The following RAPGEF5 variants were observed in gnomAD, a reference collection of about 807,000 sequenced individuals.
The protein encoded by RAPGEF5 is Rap guanine nucleotide exchange factor 5.
A neutral mutation model predicts 125.2 loss-of-function variants in RAPGEF5; 65 were observed. The ratio of observed to expected loss-of-function variants is 0.52; its 90% CI spans 0.43 to 0.64. The LOEUF (loss-of-function observed/expected upper bound fraction) is 0.64, where lower values mean the gene tolerates loss of function less well. RAPGEF5 is among the 30% of genes least tolerant of loss of function. The pLI is 0.00. For missense variants in RAPGEF5, 958 were observed against 1,048.1 expected (o/e 0.91, Z 1.19); for synonymous variants, 391 against 385.9 (o/e 1.01, Z -0.16).
At chr7:22,231,720 G>C (rs1241253512) in intron 7 of RAPGEF5, among the ~76,000 whole-genome samples, 1 of 152,134 alleles carries the variant, frequency 6.6e-6, no homozygotes, top group East Asian at 1.9e-4. Context: ...CATAATGACT[G>C]GATTACTTTT....
chr7:22,287,915 G>C (rs1040784617), intron 6 of RAPGEF5, among the ~76,000 whole-genome samples: 1 of 152,152 alleles, frequency 6.6e-6, no homozygotes, highest in Non-Finnish European at 1.5e-5. Context: ...TAAGAATCAA[G>C]GCCCTTAATC....
At chr7:22,277,954 G>A (rs1307781010) in intron 6 of RAPGEF5, among the ~76,000 whole-genome samples, 1 of 152,042 alleles carries the variant, frequency 6.6e-6, no homozygotes, top group African/African-American at 2.4e-5. Flanking sequence ...TACCAAGTGG[G>A]GTATTCATGT....
rs566230052 is a variant in RAPGEF5 at position 22,277,998 on chromosome 7, C to T, written c.748-10986G>A. Among the ~76,000 whole-genome samples the T allele has an allele frequency of 7.9e-5, 12 of 152,244 alleles. No individual in the cohort carries two copies. In the South Asian group the frequency reaches 8.3e-4, roughly 11 times the overall value. The stretch of plus-strand genomic sequence containing the variant: ...CCATTTTACCCGTTACAGAATGACA[C>T]GGATCCTGAAAAACAATCCCTCAAC... On this transcript the variant is annotated intron_variant, in intron 6 of 25. Coordinates refer to ENST00000665637, the MANE Select transcript of RAPGEF5 (RefSeq NM_012294.5).
intron 1 of RAPGEF5, among the ~76,000 whole-genome samples, chr7:22,354,175 T>C (rs1784380166): frequency 6.6e-6 from 1 of 152,192 alleles, no homozygotes; most frequent in Admixed American, 6.5e-5. Flanking sequence ...TGATGTCAGA[T>C]TGTCCAGGTT....
intron 1 of RAPGEF5, among the ~76,000 whole-genome samples, chr7:22,337,481 C>A (rs1420110816): frequency 1.3e-5 from 2 of 152,158 alleles, no homozygotes; most frequent in African/African-American, 4.8e-5. Context: ...TTAACTATAC[C>A]TACATCTTAG....
intron 5 of RAPGEF5, among the ~76,000 whole-genome samples, chr7:22,294,512 C>T (rs1445255564): frequency 1.3e-5 from 2 of 152,194 alleles, no homozygotes; most frequent in Non-Finnish European, 2.9e-5. Flanking sequence ...CCACCCTCAT[C>T]CCTCTAACCA....
chr7:22,178,427 CAGATGCCAATCACA>C (rs937987640), intron 11 of RAPGEF5, among the ~76,000 whole-genome samples: 1 of 152,222 alleles, frequency 6.6e-6, no homozygotes, highest in Non-Finnish European at 1.5e-5. Flanking sequence ...CATCCCACTT[CAGATGCCAATCACA>C]AGTCTCAGGT....
chr7:22,187,716 G>T (rs567109889), intron 11 of RAPGEF5, among the ~76,000 whole-genome samples: 8 of 152,180 alleles, frequency 5.3e-5, no homozygotes, highest in Non-Finnish European at 8.8e-5. Context: ...TCCAGGACAG[G>T]GGCCAGCGGA....
intron 1 of RAPGEF5, among the ~76,000 whole-genome samples, chr7:22,355,303 C>T (rs535181869): frequency 2.6e-5 from 4 of 152,282 alleles, no homozygotes; most frequent in African/African-American, 7.2e-5. Flanking sequence ...TGAGTATGAA[C>T]GCAAATAAAT....
intron 25 of RAPGEF5, among the ~76,000 whole-genome samples, chr7:22,124,434 T>C (rs1286645716): frequency 6.6e-6 from 1 of 152,232 alleles, no homozygotes; most frequent in Non-Finnish European, 1.5e-5. Flanking sequence ...CTAATTGATG[T>C]GAATATTTAG....
At chr7:22,224,455 C>T (rs1358539421) in intron 8 of RAPGEF5, among the ~76,000 whole-genome samples, 12 of 152,190 alleles carry the variant, frequency 7.9e-5, no homozygotes, top group Admixed American at 7.9e-4. Context: ...GATTTCTTCT[C>T]TCTCTTTCCA....
chr7:22,153,067 C>T (rs1378208692), intron 17 of RAPGEF5, among the ~76,000 whole-genome samples: 3 of 152,158 alleles, frequency 2.0e-5, no homozygotes, highest in Non-Finnish European at 4.4e-5. Flanking sequence ...TAATTGCCAG[C>T]TTCTCACGAG....
chr7:22,132,463 T>C lies in RAPGEF5; in HGVS notation c.2417-1362A>G, dbSNP rs373930678. On this transcript the variant is annotated intron_variant, in intron 23 of 25. Coordinates refer to ENST00000665637, the MANE Select transcript of RAPGEF5 (RefSeq NM_012294.5). ...CACAGTCTCCTGACAAACTCTCTGG[T>C]TATTTTATTATCTTTTGAAATTTTG... Among the ~76,000 whole-genome samples, 22 of 152,260 alleles carry C rather than the reference T, an allele frequency of 1.4e-4. No homozygotes were observed. In the South Asian group the frequency reaches 4.4e-3, roughly 30 times the overall value.
chr7:22,143,415 G>A (rs1003202955), intron 20 of RAPGEF5, among the ~76,000 whole-genome samples: 3 of 152,030 alleles, frequency 2.0e-5, no homozygotes, highest in Non-Finnish European at 4.4e-5. Flanking sequence ...CATGTCTCCT[G>A]CCCAAAAACT....
chr7:22,143,567 A>G (rs911232337), intron 20 of RAPGEF5, among the ~76,000 whole-genome samples: 2 of 152,152 alleles, frequency 1.3e-5, no homozygotes, highest in Non-Finnish European at 2.9e-5. Flanking sequence ...TCTAAATCAG[A>G]ACAGATTACT....
intron 1 of RAPGEF5, among the ~76,000 whole-genome samples, chr7:22,345,683 C>T (rs4632961): frequency 0.58 from 83,839 of 144,984 alleles, 23,792 homozygotes; most frequent in Admixed American, 0.61. Context: ...TAGATTAGAA[C>T]ATGTCTAGGC....
chr7:22,135,887 T>C (rs1299425068), intron 23 of RAPGEF5, 151 bp downstream of exon 23: 10 of 597,916 alleles, frequency 1.7e-5, no homozygotes, highest in Non-Finnish European at 2.3e-5. Context: ...ATCGGCTATT[T>C]GAAAAACAAT....
rs370301004 is a variant in RAPGEF5, at chr7:22,140,131, G to C, written c.2187-16C>G. ...GGCTTTGCAGCTATAAAATAAAAGA[G>C]AGTAGAGGACACTTTGAGGAAACAT... On this transcript the variant is annotated splice_polypyrimidine_tract_variant and intron_variant, in intron 20 of 25. Coordinates refer to ENST00000665637, the MANE Select transcript of RAPGEF5 (RefSeq NM_012294.5). 6 of 1,540,216 alleles carry C rather than the reference G, an allele frequency of 3.9e-6. No individual in the cohort carries two copies. In the East Asian group the frequency reaches 7.3e-5, roughly 19 times the overall value.
intron 7 of RAPGEF5, among the ~76,000 whole-genome samples, chr7:22,265,207 G>C (rs878859080): frequency 6.6e-6 from 1 of 152,002 alleles, no homozygotes; most frequent in Admixed American, 6.6e-5. Context: ...TTGAACAGTA[G>C]AGAATTTACT....
Sources: allele counts gnomAD v4.1 joint callset (sites outside exome capture counted in the v4.1 genomes callset), GRCh38; gene constraint gnomAD v4.1.1; transcripts MANE v1.5; gene names NCBI Gene and HGNC (gene_info 2026-07-23, HGNC 2026-07-21).